The following ELAVL4 variants were observed in gnomAD, a reference collection of about 807,000 sequenced individuals.
ELAVL4 encodes the protein ELAV-like protein 4.
Under a neutral mutation model 35.6 loss-of-function variants are expected in ELAVL4, and 1 was observed. That is an observed-to-expected ratio of 0.03 (90% CI 0.01 to 0.13). The LOEUF (loss-of-function observed/expected upper bound fraction) is 0.13, where lower values mean the gene tolerates loss of function less well. ELAVL4 is among the 10% of genes least tolerant of loss of function. The pLI is 1.00. For synonymous variants in ELAVL4, 156 were observed against 171.0 expected, an observed-to-expected ratio of 0.91 and a Z score of 0.69; for missense variants, 267 against 464.9, an observed-to-expected ratio of 0.57 and a Z score of 3.91.
At chr1:50,108,876 G>C (rs774112985), upstream of ELAVL4, 14 of 1,034,878 alleles carry the variant, frequency 1.4e-5, no homozygotes, top group Non-Finnish European at 1.6e-5. Flanking sequence ...CCAGGCTTCG[G>C]CTGACAGATG....
chr1:50,094,891 T>C (rs1275494366), intron 1 of ELAVL4, among the ~76,000 whole-genome samples: 1 of 151,886 alleles, frequency 6.6e-6, no homozygotes, highest in Non-Finnish European at 1.5e-5. Context: ...GATTGCACCA[T>C]TGCACTCTAT....
chr1:50,049,180 A>G (rs1663228061), intron 1 of ELAVL4, among the ~76,000 whole-genome samples: 1 of 152,198 alleles, frequency 6.6e-6, no homozygotes, highest in Non-Finnish European at 1.5e-5. Flanking sequence ...TCCACAACAC[A>G]GTTTGTTGAG....
At chr1:50,149,968 G>A (rs999962762) in intron 2 of ELAVL4, among the ~76,000 whole-genome samples, 3 of 152,198 alleles carry the variant, frequency 2.0e-5, no homozygotes, top group Non-Finnish European at 4.4e-5. Flanking sequence ...GTGGTTGGAA[G>A]AGGTGAGGTT....
At chr1:50,061,818 G>A (rs762820779) in intron 1 of ELAVL4, among the ~76,000 whole-genome samples, 1 of 152,178 alleles carries the variant, frequency 6.6e-6, no homozygotes, top group Admixed American at 6.6e-5. Context: ...GCAGGCCTTT[G>A]TCTGATTTGC....
intron 2 of ELAVL4, among the ~76,000 whole-genome samples, chr1:50,172,293 A>G (rs542091054): frequency 1.3e-5 from 2 of 152,346 alleles, no homozygotes; most frequent in African/African-American, 4.8e-5. Flanking sequence ...AACACTTTCT[A>G]GAGATTAAAT....
At chr1:50,105,302 C>T (rs1212703581), upstream of ELAVL4, among the ~76,000 whole-genome samples, 1 of 152,104 alleles carries the variant, frequency 6.6e-6, no homozygotes, top group Non-Finnish European at 1.5e-5. Flanking sequence ...GGTTTTTGGC[C>T]TTCCCCATTG....
rs543184395 is a variant in ELAVL4 at position 50,135,858 on chromosome 1, C to T, written c.10-9099C>T. On this transcript the variant is annotated intron_variant, in intron 1 of 6. Coordinates refer to ENST00000371824, the MANE Select transcript of ELAVL4 (RefSeq NM_001144774.3). Reference sequence around the variant, plus strand: ...ATGAGTGCAGTCTTTAGCCACAGTCCCCTAGTCCAGTGGTCTTTGTGAGTC... The same window carrying T: ...ATGAGTGCAGTCTTTAGCCACAGTCTCCTAGTCCAGTGGTCTTTGTGAGTC... Among the ~76,000 whole-genome samples, 6 of 152,138 alleles carry T rather than the reference C, an allele frequency of 3.9e-5. No individual in the cohort carries two copies. The East Asian group carries it at 1.2e-3, about 29-fold the overall frequency.
chr1:50,172,860 G>A (rs1679270161), intron 2 of ELAVL4, among the ~76,000 whole-genome samples: 1 of 152,180 alleles, frequency 6.6e-6, no homozygotes, highest in Non-Finnish European at 1.5e-5. Flanking sequence ...CTGTGGAAAG[G>A]TGGATAAGGG....
chr1:50,121,428 T>C (rs181672473), intron 1 of ELAVL4, among the ~76,000 whole-genome samples: 1 of 152,148 alleles, frequency 6.6e-6, no homozygotes, highest in East Asian at 1.9e-4. Context: ...ATGATAGAAT[T>C]GAATGAAATA....
intron 1 of ELAVL4, among the ~76,000 whole-genome samples, chr1:50,134,298 A>T (rs1279244230): frequency 6.6e-6 from 1 of 152,164 alleles, no homozygotes. Context: ...GCTATTGTTT[A>T]TGCATTTAAT....
rs1667642135 is a variant in ELAVL4 at position 50,114,637 on chromosome 1, G to C, written c.9+5439G>C. ...GATAATGAGTGATAAATTTGAACTG[G>C]TGCAGTGCAAGATGCCCGATAATTT... On this transcript the variant is annotated intron_variant, in intron 1 of 6. Coordinates refer to ENST00000371824, the MANE Select transcript of ELAVL4 (RefSeq NM_001144774.3). Among the ~76,000 whole-genome samples, 3 of 152,040 alleles carry C rather than the reference G, an allele frequency of 2.0e-5. No individual in the cohort carries two copies. The South Asian group carries it at 6.2e-4, about 32-fold the overall frequency.
At chr1:50,124,037 G>T (rs1669473511) in intron 1 of ELAVL4, among the ~76,000 whole-genome samples, 1 of 152,134 alleles carries the variant, frequency 6.6e-6, no homozygotes, top group Non-Finnish European at 1.5e-5. Flanking sequence ...AACTGATGTA[G>T]TCAGATATTA....
At chr1:50,057,809 A>G (rs1409675982) in intron 1 of ELAVL4, among the ~76,000 whole-genome samples, 3 of 152,328 alleles carry the variant, frequency 2.0e-5, no homozygotes, top group South Asian at 2.1e-4. Context: ...TTGTTAAGCA[A>G]CACGTGACTG....
chr1:50,131,897 A>C (rs543144724), intron 1 of ELAVL4, among the ~76,000 whole-genome samples: 2 of 152,078 alleles, frequency 1.3e-5, no homozygotes, highest in South Asian at 2.1e-4. Context: ...AAAAAAAAAA[A>C]AAAAACCAGA....
chr1:50,055,419 C>T (rs569710263), intron 1 of ELAVL4, among the ~76,000 whole-genome samples: 134 of 152,180 alleles, frequency 8.8e-4, no homozygotes, highest in African/African-American at 3.1e-3. Context: ...CCTTCCTCAG[C>T]CTCCCGAGTA....
intron 1 of ELAVL4, among the ~76,000 whole-genome samples, chr1:50,048,509 G>T (rs945255612): frequency 6.6e-6 from 1 of 152,162 alleles, no homozygotes; most frequent in African/African-American, 2.4e-5. Flanking sequence ...CCAGCGACAG[G>T]CGACCCCGCA....
intron 2 of ELAVL4, chr1:50,175,699 C>G (rs1366547277): frequency 6.6e-6 from 1 of 152,192 alleles, no homozygotes; most frequent in Non-Finnish European, 1.5e-5. Flanking sequence ...CAAAGTCACC[C>G]ATTTTCTCAT....
intron 1 of ELAVL4, among the ~76,000 whole-genome samples, chr1:50,072,897 G>A (rs1001166223): frequency 3.9e-5 from 6 of 152,126 alleles, no homozygotes; most frequent in Non-Finnish European, 4.4e-5. Context: ...GTCAATCAAA[G>A]TCATCTAACA....
At chr1:50,164,386 T>TCCTTTTATAA (rs1677365838) in intron 2 of ELAVL4, among the ~76,000 whole-genome samples, 2 of 152,284 alleles carry the variant, frequency 1.3e-5, no homozygotes, top group South Asian at 2.1e-4. Context: ...TAGAAAGTTA[T>TCCTTTTATAA]CCTTTTATAA....
Sources: gnomAD v4.1 joint callset for allele counts (sites outside exome capture counted in the v4.1 genomes callset) on GRCh38, gnomAD v4.1.1 for gene constraint, MANE v1.5 for transcripts, NCBI Gene and HGNC (gene_info 2026-07-23, HGNC 2026-07-21) for gene names.